The following PHIP variants were observed in gnomAD, a reference collection of about 807,000 sequenced individuals.
PHIP encodes the protein PH-interacting protein.
A neutral mutation model predicts 236.8 loss-of-function variants in PHIP; 54 were observed. The ratio of observed to expected loss-of-function variants is 0.23; its 90% CI spans 0.18 to 0.29. PHIP has a LOEUF of 0.29. Among genes scored for constraint, PHIP ranks in the 10% least tolerant of loss-of-function variants. PHIP has a pLI of 1.00. For synonymous variants in PHIP, 756 were observed against 718.9 expected, an observed-to-expected ratio of 1.05 and a Z score of -0.83; for missense variants, 1,370 against 2,190.8, an observed-to-expected ratio of 0.63 and a Z score of 7.48.
At chr6:79,058,760 T>C (rs1773201416) in intron 6 of PHIP, among the ~76,000 whole-genome samples, 2 of 152,130 alleles carry the variant, frequency 1.3e-5, no homozygotes, top group African/African-American at 4.8e-5. Flanking sequence ...TTATTTACCA[T>C]CAATCATTCT....
chr6:78,988,513 T>C (rs1769012165), intron 20 of PHIP, among the ~76,000 whole-genome samples, 164 bp from the exon 21 acceptor site: 1 of 152,190 alleles, frequency 6.6e-6, no homozygotes. Context: ...AGTTCAAGGC[T>C]GCAGGGAGGG....
chr6:79,032,550 G>A (rs1771727575), intron 7 of PHIP, among the ~76,000 whole-genome samples: 1 of 152,076 alleles, frequency 6.6e-6, no homozygotes, highest in South Asian at 2.1e-4. Context: ...TCCATAAGAA[G>A]CAACTCCTCC....
chr6:78,971,633 G>C (rs937682475), intron 24 of PHIP, among the ~76,000 whole-genome samples: 1 of 152,160 alleles, frequency 6.6e-6, no homozygotes, highest in South Asian at 2.1e-4. Flanking sequence ...CATCTCACTA[G>C]GGAGTGCCAG....
chr6:79,047,995 A>C (rs1174870743), intron 6 of PHIP, among the ~76,000 whole-genome samples: 1 of 151,278 alleles, frequency 6.6e-6, no homozygotes, highest in African/African-American at 2.4e-5. Flanking sequence ...GGTTATATAT[A>C]CATATGTATT....
At chr6:78,977,027 T>C (rs1365242957) in intron 24 of PHIP, among the ~76,000 whole-genome samples, 33 of 112,652 alleles carry the variant, frequency 2.9e-4, no homozygotes, top group Non-Finnish European at 4.8e-4. Flanking sequence ...CATTACTGGG[T>C]ATATACCCAA....
Position 78,963,220 on chromosome 6 carries a change from G to C in PHIP, c.3412C>G (p.Pro1138Ala). ...VFPEELGTSVPLTDGECRSLI... is the reference protein window; with the variant it reads ...VFPEELGTSVALTDGECRSLI... The stretch of plus-strand genomic sequence containing the variant: ...GATCTGCACTCACCATCAGTTAAAG[G>C]AACACTGGTACCTAGTTCTTCAGGA... The change falls in exon 30 of 40, where the codon CCT (proline) becomes GCT (alanine). Residue 1138 changes from proline to alanine, a missense_variant. This residue lies in a region of PHIP where 238 missense variants were observed against 398.5 expected (regional missense o/e 0.60). Coordinates refer to ENST00000275034, the MANE Select transcript of PHIP (RefSeq NM_017934.7). 1 of 1,607,350 alleles carries C rather than the reference G, an allele frequency of 6.2e-7. No individual in the cohort carries two copies. The highest frequency in any genetic ancestry group is 2.2e-5 in the East Asian group (1 of 44,488).
At chr6:78,990,839 T>C in intron 20 of PHIP, 29 bp downstream of exon 20, 2 of 1,294,562 alleles carry the variant, frequency 1.5e-6, no homozygotes, top group Non-Finnish European at 2.2e-6. Flanking sequence ...AAGAAGCAAA[T>C]ATTAAACATC....
In PHIP at chr6:78,946,166, G is replaced by A. The variant is rs1773802304; in HGVS notation, c.4465C>T (p.His1489Tyr). ...TTACCGTTTATCTGAGCAGCATTGT[G>A]TCTTGGCGGTATTGATCGTGTAGGT... ...STPTRSIPPR[H>Y]NAAQINGKTE... The change falls in exon 38 of 40, where the codon CAC becomes TAC. Residue 1489 changes from histidine to tyrosine, a missense_variant. His to Tyr is a moderately conservative substitution (Grantham distance 83). Transcript: ENST00000275034. 6.2e-7 allele frequency: 1 copy of A among 1,614,014 alleles called. No homozygotes were observed. The highest frequency in any genetic ancestry group is 8.5e-7 in the Non-Finnish European group (1 of 1,179,892).
chr6:78,990,136 C>G (rs985854536), intron 20 of PHIP, among the ~76,000 whole-genome samples: 2 of 151,996 alleles, frequency 1.3e-5, no homozygotes, highest in African/African-American at 4.8e-5. Context: ...TTTATTTTTC[C>G]TTTGTTTCAA....
At chr6:78,946,986 T>C (rs946161109) in intron 36 of PHIP, 112 bp from the exon 37 acceptor site, 30 of 600,890 alleles carry the variant, frequency 5.0e-5, no homozygotes, top group Non-Finnish European at 7.7e-5. Context: ...AATTTAATTA[T>C]TGTTTTTTAC....
Position 78,940,760 on chromosome 6 carries a change from C to G in PHIP, c.5399G>C (p.Gly1800Ala). 1 of 1,613,672 alleles carries G rather than the reference C, an allele frequency of 6.2e-7. No homozygotes were observed. The highest frequency in any genetic ancestry group is 8.5e-7 in the Non-Finnish European group (1 of 1,179,784). The change falls in exon 40 of 40, where the codon GGA becomes GCA. Residue 1800 changes from glycine to alanine, a missense_variant. Gly to Ala is a moderately conservative substitution (Grantham distance 60). Coordinates refer to ENST00000275034, the MANE Select transcript of PHIP (RefSeq NM_017934.7). ...TCGGACTCGTCCTCTACTAGAAGTT[C>G]CAAAAGTTAAAGAGGTGTCTTCGAA... ...LLFEDTSLTF[G>A]TSSRGRVRKL...
At chr6:78,992,280 C>T (rs1177096827) in intron 19 of PHIP, among the ~76,000 whole-genome samples, 2 of 151,954 alleles carry the variant, frequency 1.3e-5, no homozygotes, top group Admixed American at 1.3e-4. Context: ...TAACATTTTG[C>T]AAAACTTTGT....
intron 24 of PHIP, among the ~76,000 whole-genome samples, chr6:78,971,929 A>G (rs1767601337): frequency 6.6e-6 from 1 of 152,148 alleles, no homozygotes; most frequent in South Asian, 2.1e-4. Flanking sequence ...GTCAAACTGC[A>G]AGGCGGCAGC....
chr6:78,960,680 A>G (rs1220607893), intron 31 of PHIP, among the ~76,000 whole-genome samples: 2 of 152,076 alleles, frequency 1.3e-5, no homozygotes, highest in East Asian at 3.9e-4. Context: ...GTGGTTCTCA[A>G]TCAAGGACAA....
chr6:79,053,371 C>G (rs1226964617), intron 6 of PHIP, among the ~76,000 whole-genome samples: 1 of 152,102 alleles, frequency 6.6e-6, no homozygotes, highest in Non-Finnish European at 1.5e-5. Context: ...CTATAGAAAA[C>G]AGACGAGACA....
intron 4 of PHIP, among the ~76,000 whole-genome samples, chr6:79,066,941 C>G (rs1038483600): frequency 1.3e-5 from 2 of 152,046 alleles, no homozygotes; most frequent in Non-Finnish European, 2.9e-5. Flanking sequence ...GTTACCAAGG[C>G]TAGGGGGCAC....
At chr6:78,975,805 T>G (rs1768011289) in intron 24 of PHIP, among the ~76,000 whole-genome samples, 1 of 150,570 alleles carries the variant, frequency 6.6e-6, no homozygotes, top group African/African-American at 2.4e-5. Context: ...TACCTAGGAA[T>G]CCAACTTACA....
chr6:79,050,400 G>T (rs1772732835), intron 6 of PHIP, among the ~76,000 whole-genome samples: 1 of 152,082 alleles, frequency 6.6e-6, no homozygotes, highest in Non-Finnish European at 1.5e-5. Flanking sequence ...GGAAACCAAA[G>T]GATAAAATGT....
At chr6:79,057,117 GT>G (rs987730270) in intron 6 of PHIP, among the ~76,000 whole-genome samples, 38 of 152,130 alleles carry the variant, frequency 2.5e-4, no homozygotes, top group African/African-American at 8.4e-4. Flanking sequence ...GTATTTTTAA[GT>G]TTGAGATGAA....
Sources: allele counts gnomAD v4.1 joint callset (sites outside exome capture counted in the v4.1 genomes callset), GRCh38; gene constraint gnomAD v4.1.1; regional missense constraint gnomAD v4.1.1; transcripts MANE v1.5; gene names NCBI Gene and HGNC (gene_info 2026-07-23, HGNC 2026-07-21).